ROBO2: variants seen among roughly 807,000 people sequenced by gnomAD.
The protein encoded by ROBO2 is roundabout homolog 2.
In ROBO2, 53 loss-of-function variants were observed where a neutral mutation model predicts 160.8. The ratio of observed to expected loss-of-function variants is 0.33; its 90% confidence interval spans 0.26 to 0.41. The LOEUF is 0.41. Ranked by LOEUF, ROBO2 falls within the 10% of genes least tolerant of loss-of-function variation. The probability of loss-of-function intolerance (pLI) is 1.00; values close to 1 mark genes in which losing one functional copy is unlikely to be tolerated. For synonymous variants in ROBO2, 664 were observed against 611.7 expected (o/e 1.09, Z -1.26); for missense variants, 1,577 against 1,722.4 (o/e 0.92, Z 1.49).
At chr3:76,704,516 C>A (rs186690416) in intron 2 of ROBO2, among the ~76,000 whole-genome samples, 138 of 152,210 alleles carry the variant, frequency 9.1e-4, no homozygotes, top group Middle Eastern at 3.4e-3. Flanking sequence ...CACAGACAGA[C>A]TTTGAAAGGG....
intron 2 of ROBO2, among the ~76,000 whole-genome samples, chr3:77,377,642 C>G (rs75843187): frequency 6.6e-6 from 1 of 152,120 alleles, no homozygotes; most frequent in South Asian, 2.1e-4. Flanking sequence ...TATGAGACCT[C>G]GATCCTTGGC....
chr3:77,619,371 C>G (rs2153704134), intron 22 of ROBO2, among the ~76,000 whole-genome samples: 1 of 152,228 alleles, frequency 6.6e-6, no homozygotes, highest in East Asian at 1.9e-4. Flanking sequence ...TCATAGAACT[C>G]ACCAAAAGAT....
chr3:77,480,550 A>C (rs2084566218), intron 3 of ROBO2, among the ~76,000 whole-genome samples: 2 of 152,156 alleles, frequency 1.3e-5, no homozygotes, highest in Admixed American at 6.6e-5. Flanking sequence ...TCCAAGAATT[A>C]TCTCTTAAAT....
intron 2 of ROBO2, among the ~76,000 whole-genome samples, chr3:76,649,119 T>A (rs933622398): frequency 7.9e-5 from 12 of 152,272 alleles, no homozygotes; most frequent in South Asian, 2.1e-4. Flanking sequence ...GTGGTTTTTT[T>A]AATCAGAAAA....
chr3:76,851,764 A>AAAAAAAAAATATATATAT (rs1553659595), intron 2 of ROBO2, among the ~76,000 whole-genome samples: 1 of 137,042 alleles, frequency 7.3e-6, no homozygotes, highest in African/African-American at 2.9e-5. Context: ...AAAAAAAAAA[A>AAAAAAAAAATATATATAT]ATATTAACAT....
chr3:76,530,793 C>CA (rs2082183942), intron 2 of ROBO2, among the ~76,000 whole-genome samples: 1 of 152,088 alleles, frequency 6.6e-6, no homozygotes, highest in Non-Finnish European at 1.5e-5. Context: ...GATACTATTT[C>CA]AAAAAAGATT....
intron 2 of ROBO2, among the ~76,000 whole-genome samples, chr3:76,839,389 G>T (rs911057399): frequency 6.6e-6 from 1 of 152,126 alleles, no homozygotes; most frequent in African/African-American, 2.4e-5. Context: ...TGAGGCTTAG[G>T]AACCTTATTT....
chr3:75,976,783 A>C (rs182422201), intron 2 of ROBO2, among the ~76,000 whole-genome samples: 2 of 151,586 alleles, frequency 1.3e-5, no homozygotes, highest in East Asian at 2.0e-4. Flanking sequence ...AACAAGAAGA[A>C]GACTCGGAGG....
chr3:77,017,549 C>T (rs2062352588), intron 2 of ROBO2, among the ~76,000 whole-genome samples: 1 of 152,074 alleles, frequency 6.6e-6, no homozygotes, highest in African/African-American at 2.4e-5. Flanking sequence ...AAATTTTAGG[C>T]TTTAATTACA....
chr3:76,170,139 C>T (rs771344410), intron 2 of ROBO2, among the ~76,000 whole-genome samples: 7 of 151,990 alleles, frequency 4.6e-5, no homozygotes, highest in African/African-American at 7.3e-5. Flanking sequence ...TTTCTTCAGT[C>T]ATTTTAAAGA....
intron 2 of ROBO2, among the ~76,000 whole-genome samples, chr3:77,429,182 C>T (rs907383474): frequency 6.6e-6 from 1 of 152,152 alleles, no homozygotes; most frequent in African/African-American, 2.4e-5. Flanking sequence ...TTCCTGGTTA[C>T]TCTTGAATGT....
chr3:76,574,397 T>C (rs548370139), intron 2 of ROBO2, among the ~76,000 whole-genome samples: 7 of 152,294 alleles, frequency 4.6e-5, no homozygotes, highest in South Asian at 2.1e-4. Context: ...TCATTCTCTT[T>C]ATGTAGCATA....
At chr3:77,236,154 A>T (rs913776098) in intron 2 of ROBO2, among the ~76,000 whole-genome samples, 1 of 152,212 alleles carries the variant, frequency 6.6e-6, no homozygotes, top group Non-Finnish European at 1.5e-5. Context: ...TAAGACGTAC[A>T]TTGGCAGTTC....
In ROBO2 at chr3:77,459,941, G is replaced by A. The variant is rs1293831745; in HGVS notation, c.389-17473G>A. On this transcript the variant is annotated intron_variant, in intron 2 of 25. Coordinates refer to ENST00000461745, the Ensembl canonical transcript of ROBO2. ...TTTTTCTAAATGTGATGGGGGTGGT[G>A]GAGTGGGTGGGGGGGTCCTTCGGAG... Among the ~76,000 whole-genome samples, 4 of 132,296 alleles carry A rather than the reference G, an allele frequency of 3.0e-5. No individual in the cohort carries two copies. In the East Asian group the frequency reaches 6.9e-4, roughly 23 times the overall value. The allele number at this position is 132,296 out of a possible 152,430, so 86.8% of individuals were successfully genotyped here.
At chr3:77,515,953 A>G (rs1240183364) in intron 5 of ROBO2, among the ~76,000 whole-genome samples, 3 of 151,498 alleles carry the variant, frequency 2.0e-5, no homozygotes, top group African/African-American at 7.3e-5. Flanking sequence ...GAAATAACCA[A>G]TTTTCATGTA....
intron 2 of ROBO2, among the ~76,000 whole-genome samples, chr3:76,754,713 G>T (rs566735290): frequency 3.3e-5 from 5 of 151,818 alleles, no homozygotes; most frequent in Non-Finnish European, 5.9e-5. Flanking sequence ...ACGCCTCAAG[G>T]TTATTGCTAA....
At chr3:77,274,735 T>A (rs2153360680) in intron 2 of ROBO2, among the ~76,000 whole-genome samples, 1 of 152,246 alleles carries the variant, frequency 6.6e-6, no homozygotes, top group African/African-American at 2.4e-5. Flanking sequence ...TAATAGGTAC[T>A]TTCCCGCCCT....
At chr3:76,876,212 G>T (rs1321803063) in intron 2 of ROBO2, among the ~76,000 whole-genome samples, 1 of 152,238 alleles carries the variant, frequency 6.6e-6, no homozygotes, top group East Asian at 1.9e-4. Context: ...CTTTCTCCAT[G>T]GTTTTGCTGT....
chr3:77,098,402 A>T, intron 2 of ROBO2, 62 bp downstream of exon 2: 1 of 1,513,854 alleles, frequency 6.6e-7, no homozygotes, highest in Non-Finnish European at 9.1e-7. Context: ...GTAAGTTTTG[A>T]TGTGTTCCCA....
Sources: gnomAD v4.1 joint callset for allele counts (sites outside exome capture counted in the v4.1 genomes callset) on GRCh38, gnomAD v4.1.1 for gene constraint, MANE v1.5 for transcripts, NCBI Gene and HGNC (gene_info 2026-07-23, HGNC 2026-07-21) for gene names.